ZBTB20: variants seen among roughly 807,000 people sequenced by gnomAD.
ZBTB20 encodes the protein zinc finger and BTB domain containing 20, also known as zinc finger and BTB domain-containing protein 20.
A neutral mutation model predicts 56.9 loss-of-function variants in ZBTB20; 9 were observed. The ratio of observed to expected loss-of-function variants is 0.16; its 90% CI spans 0.10 to 0.28. ZBTB20 has a LOEUF of 0.28. Among genes scored for constraint, ZBTB20 ranks in the 10% least tolerant of loss-of-function variants. The pLI is 1.00. For missense variants in ZBTB20, 655 were observed against 1,003.0 expected (o/e 0.65, Z 4.69); for synonymous variants, 417 against 420.7 (o/e 0.99, Z 0.11).
chr3:114,887,960 C>T (rs558804283), intron 4 of ZBTB20, among the ~76,000 whole-genome samples: 39 of 152,150 alleles, frequency 2.6e-4, no homozygotes, highest in African/African-American at 7.0e-4. Flanking sequence ...AAGCCTCAAA[C>T]GAAATGTACT....
chr3:115,007,465 T>C (rs2108244330), intron 2 of ZBTB20, among the ~76,000 whole-genome samples: 1 of 152,006 alleles, frequency 6.6e-6, no homozygotes, highest in Non-Finnish European at 1.5e-5. Flanking sequence ...AGCTGTTCAA[T>C]GAATACTTAT....
chr3:114,535,335 A>G (rs965022889), intron 6 of ZBTB20, among the ~76,000 whole-genome samples: 1 of 152,206 alleles, frequency 6.6e-6, no homozygotes, highest in African/African-American at 2.4e-5. Context: ...CAGAAATACA[A>G]ACTACCATCA....
chr3:114,802,131 T>C (rs1343795774), intron 4 of ZBTB20, among the ~76,000 whole-genome samples: 2 of 151,934 alleles, frequency 1.3e-5, no homozygotes, highest in African/African-American at 4.8e-5. Context: ...AAAAATTTAG[T>C]TTTTAAAATA....
intron 3 of ZBTB20, among the ~76,000 whole-genome samples, chr3:114,906,256 A>T (rs1482311008): frequency 6.6e-6 from 1 of 151,876 alleles, no homozygotes; most frequent in African/African-American, 2.4e-5. Flanking sequence ...CTATAAAAGT[A>T]GGCAGTTAAC....
chr3:115,032,648 A>C (rs1275946736), intron 2 of ZBTB20, among the ~76,000 whole-genome samples: 1 of 151,520 alleles, frequency 6.6e-6, no homozygotes, highest in African/African-American at 2.4e-5. Flanking sequence ...TTAGGCCACA[A>C]ATTAAGTCTC....
chr3:114,490,864 A>G (rs1677032427), intron 7 of ZBTB20, among the ~76,000 whole-genome samples: 1 of 152,212 alleles, frequency 6.6e-6, no homozygotes, highest in African/African-American at 2.4e-5. Flanking sequence ...AAACACAAAA[A>G]CAAACTGGGT....
intron 3 of ZBTB20, among the ~76,000 whole-genome samples, chr3:114,910,292 C>G (rs1247613126): frequency 1.3e-5 from 2 of 150,492 alleles, no homozygotes; most frequent in East Asian, 3.9e-4. Flanking sequence ...CATACACACA[C>G]ACATGCACGC....
intron 6 of ZBTB20, among the ~76,000 whole-genome samples, chr3:114,509,574 T>A (rs1221549847): frequency 6.6e-6 from 1 of 152,090 alleles, no homozygotes; most frequent in Non-Finnish European, 1.5e-5. Context: ...TATATACCTA[T>A]AAATGCACAC....
intron 6 of ZBTB20, among the ~76,000 whole-genome samples, chr3:114,592,139 T>A (rs766522368): frequency 6.6e-5 from 10 of 152,160 alleles, no homozygotes; most frequent in Non-Finnish European, 1.5e-4. Context: ...TATCTCTCAA[T>A]ACTGAGTCTC....
intron 7 of ZBTB20, among the ~76,000 whole-genome samples, chr3:114,480,530 C>A (rs2041413312): frequency 6.6e-6 from 1 of 152,164 alleles, no homozygotes; most frequent in African/African-American, 2.4e-5. Flanking sequence ...CTGATGCACA[C>A]GTTTGCTGAT....
intron 7 of ZBTB20, among the ~76,000 whole-genome samples, chr3:114,491,455 C>A (rs1377966064): frequency 6.6e-6 from 1 of 152,180 alleles, no homozygotes; most frequent in Non-Finnish European, 1.5e-5. Context: ...CAGGACCTTG[C>A]CCCTCAGTGC....
chr3:114,491,222 C>G (rs2042717795), intron 7 of ZBTB20, among the ~76,000 whole-genome samples: 2 of 152,204 alleles, frequency 1.3e-5, no homozygotes, highest in Non-Finnish European at 2.9e-5. Context: ...TATCCTAATT[C>G]AAACTCATTT....
At chr3:114,469,010 C>CAA (rs1164804884) in intron 7 of ZBTB20, among the ~76,000 whole-genome samples, 3,059 of 66,842 alleles carry the variant, frequency 0.046, 78 homozygotes, top group Non-Finnish European at 0.064. Flanking sequence ...TCAAGAGAAG[C>CAA]AAAAAAAAAA....
intron 6 of ZBTB20, among the ~76,000 whole-genome samples, chr3:114,613,164 G>A (rs988843276): frequency 1.9e-4 from 29 of 152,250 alleles, no homozygotes; most frequent in Non-Finnish European, 3.5e-4. Flanking sequence ...ATAGGAGGGT[G>A]GGCCTACTGT....
At chr3:115,066,089 A>G (rs1386555334) in intron 2 of ZBTB20, among the ~76,000 whole-genome samples, 1 of 152,204 alleles carries the variant, frequency 6.6e-6, no homozygotes, top group Admixed American at 6.5e-5. Flanking sequence ...CAGCTTCAGC[A>G]TAACACACTT....
intron 6 of ZBTB20, among the ~76,000 whole-genome samples, chr3:114,534,754 A>T (rs1038340085): frequency 3.9e-5 from 6 of 152,218 alleles, no homozygotes; most frequent in Non-Finnish European, 8.8e-5. Context: ...ATCACTCCTC[A>T]GCAAATGTAA....
intron 4 of ZBTB20, among the ~76,000 whole-genome samples, chr3:114,838,492 G>A (rs2074225019): frequency 2.0e-5 from 3 of 152,084 alleles, no homozygotes. Flanking sequence ...CAATCATGAG[G>A]GCCTAAAGGG....
At chr3:114,521,277 C>T (rs1017924332) in intron 6 of ZBTB20, among the ~76,000 whole-genome samples, 1 of 152,092 alleles carries the variant, frequency 6.6e-6, no homozygotes, top group African/African-American at 2.4e-5. Flanking sequence ...CTGGGAACAC[C>T]TTTCAAATGA....
chr3:114,599,959 G>T (rs1051105906), intron 6 of ZBTB20, among the ~76,000 whole-genome samples: 4 of 151,976 alleles, frequency 2.6e-5, no homozygotes, highest in African/African-American at 9.6e-5. Context: ...GAGCGAGCGA[G>T]CACATAAGAT....
Sources: gnomAD v4.1 joint callset for allele counts (sites outside exome capture counted in the v4.1 genomes callset) on GRCh38, gnomAD v4.1.1 for gene constraint, MANE v1.5 for transcripts, NCBI Gene and HGNC (gene_info 2026-07-23, HGNC 2026-07-21) for gene names.